SLC35E2B: variants seen among roughly 807,000 people sequenced by gnomAD.
SLC35E2B encodes solute carrier family 35 member E2B.
SLC35E2B carries 18 observed loss-of-function variants against 32.4 expected under a neutral mutation model. The observed-to-expected ratio is 0.56, with a 90% CI of 0.38 to 0.82. The LOEUF (loss-of-function observed/expected upper bound fraction) is 0.82, where lower values mean the gene tolerates loss of function less well. Among genes scored for constraint, SLC35E2B ranks in the 40% least tolerant of loss-of-function variants. The probability of loss-of-function intolerance (pLI) is 0.00; values close to 1 mark genes in which losing one functional copy is unlikely to be tolerated. For missense variants in SLC35E2B, 263 were observed against 469.5 expected (o/e 0.56, Z 4.06); for synonymous variants, 132 against 209.1 (o/e 0.63, Z 3.18).
intron 9 of SLC35E2B, among the ~76,000 whole-genome samples, chr1:1,666,874 G>A (rs947758131): frequency 2.0e-5 from 3 of 152,156 alleles, no homozygotes; most frequent in African/African-American, 7.2e-5. Context: ...GGGAGGCCGA[G>A]GCGGGCGGAT....
chr1:1,671,472 T>A, intron 6 of SLC35E2B, 37 bp downstream of exon 6: 1 of 1,406,372 alleles, frequency 7.1e-7, no homozygotes, highest in East Asian at 2.9e-5. Context: ...GAGCACCGGG[T>A]CTCGTCCCCC....
chr1:1,666,049 G>C, intron 9 of SLC35E2B, 30 bp from the exon 10 acceptor site: 1 of 1,541,546 alleles, frequency 6.5e-7, no homozygotes, highest in Admixed American at 2.0e-5. Flanking sequence ...CAGCAGGGGC[G>C]CTCAGGGCTA....
At chr1:1,687,833 G>A (rs1643970459) in intron 2 of SLC35E2B, among the ~76,000 whole-genome samples, 3 of 152,074 alleles carry the variant, frequency 2.0e-5, no homozygotes, top group Admixed American at 6.6e-5. Flanking sequence ...GGCGGAGGTT[G>A]CAGGGAACCA....
At chr1:1,685,666 A>G (rs1396795574) in intron 2 of SLC35E2B, among the ~76,000 whole-genome samples, 1 of 152,078 alleles carries the variant, frequency 6.6e-6, no homozygotes, top group Admixed American at 6.6e-5. Flanking sequence ...CCACAGATCA[A>G]ACAAACGACA....
At chr1:1,687,776 T>C (rs1643969544) in intron 2 of SLC35E2B, among the ~76,000 whole-genome samples, 1 of 150,144 alleles carries the variant, frequency 6.7e-6, no homozygotes, top group African/African-American at 2.5e-5. Flanking sequence ...GTGCCTGTAG[T>C]CCCAGCCACT....
chr1:1,678,012 G>A lies in SLC35E2B; in HGVS notation c.-147-1166C>T, dbSNP rs575563075. Among the ~76,000 whole-genome samples, 98 of 151,842 alleles carry A rather than the reference G, an allele frequency of 6.5e-4. 1 individual carries two copies. Among genetic ancestry groups the A allele is most frequent in the Middle Eastern group, 3.4e-3 (1 of 294 alleles). ...CAGCGCTCAGGCAGCCCGATTTCCT[G>A]TTTCTCACACCTGGGTTTCTCTTCC... On this transcript the variant is annotated intron_variant, in intron 2 of 9. Coordinates refer to ENST00000617444, the MANE Select transcript of SLC35E2B (RefSeq NM_001290264.2).
chr1:1,687,654 G>C (rs888349827), intron 2 of SLC35E2B, among the ~76,000 whole-genome samples: 48 of 151,604 alleles, frequency 3.2e-4, no homozygotes, highest in African/African-American at 1.1e-3. Context: ...AGAATCTCTT[G>C]AACCCGGGAG....
chr1:1,670,423 A>T, intron 6 of SLC35E2B: 1 of 211,816 alleles, frequency 4.7e-6, no homozygotes. Context: ...CGCCCAACAG[A>T]TTTTTTTTTT....
rs1570304826 is a variant in SLC35E2B at position 1,665,047 on chromosome 1, T to C, written c.*735A>G. ...GGTAGGAGGGCAGGGTGCCCTGGGGTTGCGGGGAGCTCACGCAGCCCAGGG... is the reference window on the plus strand; with the variant it reads ...GGTAGGAGGGCAGGGTGCCCTGGGGCTGCGGGGAGCTCACGCAGCCCAGGG... On this transcript the variant is annotated 3_prime_UTR_variant, in exon 10 of 10. Transcript: ENST00000617444. 1 of 867,050 alleles carries C rather than the reference T, an allele frequency of 1.2e-6. No homozygotes were observed. Among genetic ancestry groups the C allele is most frequent in the Non-Finnish European group, 1.4e-6 (1 of 722,200 alleles). The allele number at this position is 867,050 out of a possible 1,614,324, so 53.7% of individuals were successfully genotyped here. A position where few individuals can be genotyped will look rare whatever the true frequency, so the allele number is the denominator to read the frequency against.
In SLC35E2B at chr1:1,668,308, G is replaced by A. The variant is rs749225776; in HGVS notation, c.980+19C>T. ...AACAACCTGGACACACTCAACTCTT[G>A]GGAAGTTCCTCTGCTCACCTGAAAG... On this transcript the variant is annotated intron_variant, in intron 9 of 9. Transcript: ENST00000617444. 4.4e-5 allele frequency: 71 copies of A among 1,597,398 alleles called. No individual in the cohort carries two copies. The African/African-American group carries it at 9.2e-4, about 21-fold the overall frequency.
At chr1:1,670,420 C>G in intron 6 of SLC35E2B, 1 of 302,794 alleles carries the variant, frequency 3.3e-6, no homozygotes, top group South Asian at 4.3e-5. Context: ...CCACGCCCAA[C>G]AGATTTTTTT....
At chr1:1,674,901 C>T (rs1288215991) in intron 5 of SLC35E2B, among the ~76,000 whole-genome samples, 1 of 152,146 alleles carries the variant, frequency 6.6e-6, no homozygotes, top group Non-Finnish European at 1.5e-5. Context: ...CGCTGGTTTT[C>T]ATGCAGCCAC....
intron 2 of SLC35E2B, 99 bp from the exon 3 acceptor site, chr1:1,676,945 GGGCCGGGCACGGT>G (rs1231598867): frequency 5.3e-6 from 2 of 378,862 alleles, no homozygotes; most frequent in African/African-American, 5.3e-5. Context: ...AAATGCAATT[GGGCCGGGCACGGT>G]GGCTCACACC....
At chr1:1,669,349 A>G (rs1234526581) in intron 8 of SLC35E2B, among the ~76,000 whole-genome samples, 1 of 151,922 alleles carries the variant, frequency 6.6e-6, no homozygotes, top group African/African-American at 2.4e-5. Context: ...ACAGAGCGAG[A>G]CTCTTTATAA....
In SLC35E2B at chr1:1,671,539, G is replaced by A; in HGVS notation, c.677C>T (p.Ser226Leu). 2 of 1,548,590 alleles carry A rather than the reference G, an allele frequency of 1.3e-6. No individual in the cohort carries two copies. The highest frequency in any genetic ancestry group is 1.2e-5 in the South Asian group (1 of 83,372). Residue 226 changes from serine (S) to leucine (L), a missense_variant, in exon 6 of 10, where the codon TCG (serine) becomes TTG (leucine). By Grantham distance (145) the Ser-to-Leu change is moderately radical (BLOSUM62 -2). This residue lies in a region of SLC35E2B where 129 missense variants were observed against 164.5 expected (regional missense o/e 0.78). Coordinates refer to ENST00000617444, the MANE Select transcript of SLC35E2B (RefSeq NM_001290264.2). ...TEISFNVLGF[S>L]AALSTNIMDC... is the part of the protein sequence containing the mutation. The stretch of plus-strand genomic sequence containing the variant: ...CATGATGTTGGTGGACAGTGCGGCC[G>A]AGAACCCCAGGACATTGAAGCTGAT...
At position 1,670,161 on chromosome 1, in the gene SLC35E2B, A is replaced by G; in HGVS notation, c.708-10T>C. The stretch of plus-strand genomic sequence containing the variant: ...AAAAACATTTTGCAAACTAGAATAA[A>G]GAAAAGAGGTTATGCATCAATACTA... On this transcript the variant is annotated splice_polypyrimidine_tract_variant and intron_variant, in intron 6 of 9. Transcript: ENST00000617444. 4 of 1,547,958 alleles carry G rather than the reference A, an allele frequency of 2.6e-6. No homozygotes were observed. The highest frequency in any genetic ancestry group is 2.6e-6 in the Non-Finnish European group (3 of 1,143,380).
At chr1:1,679,993 A>G (rs6700884) in intron 2 of SLC35E2B, among the ~76,000 whole-genome samples, 74,378 of 150,752 alleles carry the variant, frequency 0.49, 18,546 homozygotes, top group East Asian at 0.63. Context: ...AGCCGGGCGT[A>G]GTGGATGCCT....
chr1:1,685,036 G>A (rs182216204), intron 2 of SLC35E2B, among the ~76,000 whole-genome samples: 9 of 151,566 alleles, frequency 5.9e-5, no homozygotes, highest in Admixed American at 5.9e-4. Context: ...GAACCTGGGA[G>A]GTGGAGGTTG....
At position 1,665,870 on chromosome 1, in the gene SLC35E2B, G is replaced by T; in HGVS notation, c.1130C>A (p.Ala377Glu). ...YNKARQHQQE[A>E]LQSLAAATGR... ...AGTGGCTGCAGCCAGGCTCTGCAGC[G>T]CCTCCTGCTGGTGTTGCCTGGCTTT... Residue 377 changes from alanine (A) to glutamate (E), a missense_variant, in exon 10 of 10, where the codon GCG (alanine) becomes GAG (glutamate). Physicochemically the swap from Ala to Glu is moderately radical, Grantham distance 107. This residue lies in a region of SLC35E2B where 78 missense variants were observed against 71.1 expected (regional missense o/e 1.10). Transcript: ENST00000617444. 2 of 1,550,966 alleles carry T rather than the reference G, an allele frequency of 1.3e-6. No homozygotes were observed. Among genetic ancestry groups the T allele is most frequent in the South Asian group, 2.4e-5 (2 of 84,056 alleles).
Sources: gnomAD v4.1 joint callset for allele counts (sites outside exome capture counted in the v4.1 genomes callset) on GRCh38, gnomAD v4.1.1 for gene constraint, gnomAD v4.1.1 regional missense constraint, MANE v1.5 for transcripts, NCBI Gene and HGNC (gene_info 2026-07-23, HGNC 2026-07-21) for gene names.